The following MINDY2 variants were observed in gnomAD, a reference collection of about 807,000 sequenced individuals.
The protein encoded by MINDY2 is ubiquitin carboxyl-terminal hydrolase MINDY-2.
MINDY2 carries 52 observed loss-of-function variants against 68.2 expected under a neutral mutation model. The observed-to-expected ratio is 0.76, with a 90% CI of 0.61 to 0.96. The LOEUF (loss-of-function observed/expected upper bound fraction) is 0.96. Ranked by LOEUF, MINDY2 falls within the 40% of genes least tolerant of loss-of-function variation. The probability of loss-of-function intolerance (pLI) is 0.00; values close to 1 mark genes in which losing one functional copy is unlikely to be tolerated. For synonymous variants in MINDY2, 372 were observed against 303.0 expected (o/e 1.23, Z -2.36); for missense variants, 881 against 773.4 (o/e 1.14, Z -1.65).
At chr15:58,818,177 C>G (rs1285644521) in intron 4 of MINDY2, among the ~76,000 whole-genome samples, 1 of 152,160 alleles carries the variant, frequency 6.6e-6, no homozygotes, top group Non-Finnish European at 1.5e-5. Flanking sequence ...AACCATTTTG[C>G]TCACTGTTGT....
chr15:58,778,953 G>T (rs569320419), intron 1 of MINDY2, among the ~76,000 whole-genome samples: 1 of 151,820 alleles, frequency 6.6e-6, no homozygotes, highest in South Asian at 2.1e-4. Flanking sequence ...GTAGAGATAG[G>T]GTTTCAGCAT....
intron 2 of MINDY2, among the ~76,000 whole-genome samples, chr15:58,794,570 G>A (rs1024466996): frequency 2.6e-5 from 4 of 152,098 alleles, no homozygotes; most frequent in Admixed American, 2.6e-4. Context: ...CTGCAACAAG[G>A]TGGGTAGATA....
At chr15:58,829,113 A>G (rs966241174) in intron 5 of MINDY2, among the ~76,000 whole-genome samples, 13 of 152,328 alleles carry the variant, frequency 8.5e-5, no homozygotes, top group African/African-American at 2.2e-4. Context: ...GCTGTGTAAC[A>G]CTTACAGTTG....
At chr15:58,794,538 T>C (rs2140936476) in intron 2 of MINDY2, among the ~76,000 whole-genome samples, 1 of 152,096 alleles carries the variant, frequency 6.6e-6, no homozygotes, top group East Asian at 1.9e-4. Flanking sequence ...TAAAGGGGAT[T>C]GGCCTGAAGG....
At chr15:58,782,325 A>G (rs184877198) in intron 1 of MINDY2, among the ~76,000 whole-genome samples, 1 of 152,166 alleles carries the variant, frequency 6.6e-6, no homozygotes, top group Non-Finnish European at 1.5e-5. Context: ...AATTTTGACT[A>G]TTATTTAGTG....
intron 3 of MINDY2, among the ~76,000 whole-genome samples, chr15:58,809,728 TGTTTATCTC>T (rs1450830382): frequency 2.0e-5 from 3 of 152,224 alleles, no homozygotes; most frequent in African/African-American, 7.2e-5. Flanking sequence ...TATATATACA[TGTTTATCTC>T]TCCCAATAGA....
At chr15:58,801,182 C>T (rs535092948) in intron 2 of MINDY2, among the ~76,000 whole-genome samples, 1 of 151,926 alleles carries the variant, frequency 6.6e-6, no homozygotes, top group Non-Finnish European at 1.5e-5. Flanking sequence ...CCATGTTGGC[C>T]AGGCTGGTCT....
In MINDY2 at chr15:58,821,795, G is replaced by A. The variant is rs2031075668; in HGVS notation, c.1201G>A (p.Asp401Asn). The A allele has an allele frequency of 2.5e-6, 4 of 1,590,928 alleles. No individual in the cohort carries two copies. The highest frequency in any genetic ancestry group is 1.7e-6 in the Non-Finnish European group (2 of 1,171,716). The change falls in exon 5 of 9, where the codon GAC becomes AAC. Residue 401 changes from aspartate (D) to asparagine (N), a missense_variant. By Grantham distance (23) the Asp-to-Asn change is conservative. Coordinates refer to ENST00000559228, the MANE Select transcript of MINDY2 (RefSeq NM_001040450.3). ...GAAGATCATCTCTTGTAAACAGTCAGACAATAGTGAGCTGGTTAGTGAAGG... is the reference window on the plus strand; with the variant it reads ...GAAGATCATCTCTTGTAAACAGTCAAACAATAGTGAGCTGGTTAGTGAAGG... Reference protein sequence around the residue: ...VEKIISCKQSDNSELVSEGFV... With the variant: ...VEKIISCKQSNNSELVSEGFV...
chr15:58,832,528 T>G (rs1377097600), intron 6 of MINDY2, among the ~76,000 whole-genome samples: 1 of 113,442 alleles, frequency 8.8e-6, no homozygotes, highest in East Asian at 2.8e-4. Flanking sequence ...ATGCCCAGAC[T>G]TTTTTTTTTT....
At chr15:58,819,953 T>C (rs1285762339) in intron 4 of MINDY2, among the ~76,000 whole-genome samples, 1 of 152,092 alleles carries the variant, frequency 6.6e-6, no homozygotes, top group African/African-American at 2.4e-5. Flanking sequence ...CATTTTTGTG[T>C]TTTAAGTTAA....
chr15:58,798,907 G>A (rs1354219683), intron 2 of MINDY2, among the ~76,000 whole-genome samples: 1 of 152,146 alleles, frequency 6.6e-6, no homozygotes, highest in African/African-American at 2.4e-5. Context: ...ACACATCTTG[G>A]TATGTTAAAT....
At chr15:58,807,188 T>C (rs182803916) in intron 3 of MINDY2, among the ~76,000 whole-genome samples, 144 of 152,214 alleles carry the variant, frequency 9.5e-4, no homozygotes, top group Admixed American at 1.6e-3. Context: ...ACTGTTCTTA[T>C]TTTGTGTCTT....
rs148937869 is a variant in MINDY2, at chr15:58,784,032, A to G, written c.841-3874A>G. On this transcript the variant is annotated intron_variant, in intron 1 of 8. Transcript: ENST00000559228. ...TTTAAATATTCTTGTGCTTATATTA[A>G]TAATTTTCCAGGGCCGAGTGCAGTG... 1.1e-4 allele frequency among the ~76,000 whole-genome samples: 17 copies of G among 152,256 alleles called. No homozygotes were observed. The East Asian group carries it at 3.3e-3, about 29-fold the overall frequency.
chr15:58,842,667 T>C lies in MINDY2; in HGVS notation c.1369-4630T>C, dbSNP rs185809592. Among the ~76,000 whole-genome samples, 5 of 152,304 alleles carry C rather than the reference T, an allele frequency of 3.3e-5. No homozygotes were observed. The East Asian group carries it at 9.6e-4, about 29-fold the overall frequency. ...AGATAGAAGCAGATAGACACAGAAA[T>C]TGAGATCGATTTAGATGATACTCAT... On this transcript the variant is annotated intron_variant, in intron 6 of 8. Transcript: ENST00000559228.
intron 6 of MINDY2, among the ~76,000 whole-genome samples, chr15:58,837,802 C>CA (rs1329833664): frequency 6.6e-6 from 1 of 151,278 alleles, no homozygotes; most frequent in African/African-American, 2.4e-5. Flanking sequence ...CTTGTCTGTA[C>CA]AAAAAACTTT....
At position 58,831,886 on chromosome 15, in the gene MINDY2, T is replaced by C. The variant is rs767782795; in HGVS notation, c.1338T>C (p.Asn446=). ...GAGAACTTTGTGTGTTCTTTCGGAA[T>C]AATCATTTTAGCACCATGACCAAAT... ...QEGELCVFFR[N]NHFSTMTKYK... The change falls in exon 6 of 9, where the codon AAT becomes AAC. Residue 446 remains asparagine, a synonymous_variant. Transcript: ENST00000559228. 2.5e-6 allele frequency: 4 copies of C among 1,613,588 alleles called. No homozygotes were observed. The highest frequency in any genetic ancestry group is 3.4e-6 in the Non-Finnish European group (4 of 1,179,776).
chr15:58,817,205 C>T (rs2030745283), intron 4 of MINDY2, among the ~76,000 whole-genome samples: 1 of 152,074 alleles, frequency 6.6e-6, no homozygotes, highest in African/African-American at 2.4e-5. Context: ...TGAATTGCAA[C>T]TTTAAAAAAT....
At chr15:58,779,599 C>A (rs1901002514) in intron 1 of MINDY2, among the ~76,000 whole-genome samples, 1 of 152,184 alleles carries the variant, frequency 6.6e-6, no homozygotes, top group African/African-American at 2.4e-5. Flanking sequence ...CCATCTTAGC[C>A]TCTGCCCACC....
intron 2 of MINDY2, 48 bp from the exon 3 acceptor site, chr15:58,802,265 A>G: frequency 7.9e-7 from 1 of 1,265,230 alleles, no homozygotes; most frequent in South Asian, 1.4e-5. Flanking sequence ...TAATCAGAAA[A>G]ACAAGTTTTT....
Sources: gnomAD v4.1 joint callset for allele counts (sites outside exome capture counted in the v4.1 genomes callset) on GRCh38, gnomAD v4.1.1 for gene constraint, MANE v1.5 for transcripts, NCBI Gene and HGNC (gene_info 2026-07-23, HGNC 2026-07-21) for gene names.